Variants in SH2D3A observed in about 807,000 individuals in gnomAD.
The protein encoded by SH2D3A is SH2 domain-containing protein 3A.
A neutral mutation model predicts 50.6 loss-of-function variants in SH2D3A; 46 were observed. The ratio of observed to expected loss-of-function variants is 0.91; its 90% CI spans 0.72 to 1.16. SH2D3A has a LOEUF of 1.16. SH2D3A is among the 50% of genes most tolerant of loss of function. SH2D3A has a pLI of 0.00. For missense variants in SH2D3A, 783 were observed against 786.2 expected, an observed-to-expected ratio of 1.00 and a Z score of 0.05; for synonymous variants, 377 against 348.4, an observed-to-expected ratio of 1.08 and a Z score of -0.91.
rs560531864 is a variant in SH2D3A, at chr19:6,752,898, G to A, written c.1571-145C>T. 1,106 of 1,408,422 alleles carry A rather than the reference G, an allele frequency of 7.9e-4. 9 individuals carry two copies. The African/African-American group carries it at 0.015, about 19-fold the overall frequency. The allele number at this position is 1,408,422 out of a possible 1,614,324, so 87.2% of individuals were successfully genotyped here. ...TGCCCCACCTGCGGGATGACTAGGCGGGGTCAGAGGGGAGGGGGCTTCCAG... is the reference window on the plus strand; with the variant it reads ...TGCCCCACCTGCGGGATGACTAGGCAGGGTCAGAGGGGAGGGGGCTTCCAG... On this transcript the variant is annotated intron_variant, in intron 9 of 9. Transcript: ENST00000245908.
chr19:6,754,900 G>T lies in SH2D3A; in HGVS notation c.912C>A (p.Thr304=). The T allele has an allele frequency of 6.2e-7, 1 of 1,607,612 alleles. No homozygotes were observed. Among genetic ancestry groups the T allele is most frequent in the Admixed American group, 1.7e-5 (1 of 59,800 alleles). The part of the protein sequence containing the change: ...NRPLEPQVLH[T]LRGLFLEHHP... ...GGTGCTCCAGGAACAGGCCACGGAG[G>T]GTATGCAGGACTTGGGGTTCCAGGG... is the stretch of plus-strand genomic sequence containing the variant. The change falls in exon 5 of 10, where the codon ACC becomes ACA. Residue 304 remains threonine, a synonymous_variant. Transcript: ENST00000245908.
At chr19:6,762,502 CTTTT>C (rs35272482) in intron 2 of SH2D3A, among the ~76,000 whole-genome samples, 13 of 98,832 alleles carry the variant, frequency 1.3e-4, no homozygotes, top group African/African-American at 5.2e-4. Context: ...TTCTTCCGGC[CTTTT>C]TTTTTTTTTT....
At chr19:6,759,496 T>C in intron 4 of SH2D3A, 98 bp downstream of exon 4, 1 of 996,902 alleles carries the variant, frequency 1.0e-6, no homozygotes, top group Admixed American at 2.1e-5. Context: ...AAGCAAGAAA[T>C]TGAGGCTCGA....
chr19:6,753,382 C>A, intron 9 of SH2D3A, 74 bp downstream of exon 9: 15 of 1,406,738 alleles, frequency 1.1e-5, no homozygotes, highest in Non-Finnish European at 1.4e-5. Context: ...CTGGGACAGG[C>A]TGGGTTTGGG....
chr19:6,754,334 C>T lies in SH2D3A; in HGVS notation c.1189G>A (p.Glu397Lys). ...ERAAALRGLVELALALRPGAA... is the reference protein window; with the variant it reads ...ERAAALRGLVKLALALRPGAA... ...CCTGGCCGCAGCGCCAGCGCCAGCTCTACCAGTCCCCTCAGTGCGGCTGCG... is the reference window on the plus strand; with the variant it reads ...CCTGGCCGCAGCGCCAGCGCCAGCTTTACCAGTCCCCTCAGTGCGGCTGCG... Residue 397 changes from glutamate (E) to lysine (K), a missense_variant, in exon 7 of 10, where the codon GAG (glutamate) becomes AAG (lysine). Physicochemically the swap from Glu to Lys is moderately conservative, Grantham distance 56 (BLOSUM62 1). Coordinates refer to ENST00000245908, the MANE Select transcript of SH2D3A (RefSeq NM_005490.3). 1 of 1,575,508 alleles carries T rather than the reference C, an allele frequency of 6.3e-7. No individual in the cohort carries two copies. The highest frequency in any genetic ancestry group is 8.6e-7 in the Non-Finnish European group (1 of 1,167,220).
At chr19:6,765,663 G>T (rs1448424928) in intron 1 of SH2D3A, among the ~76,000 whole-genome samples, 1 of 148,156 alleles carries the variant, frequency 6.7e-6, no homozygotes, top group Non-Finnish European at 1.5e-5. Flanking sequence ...AGAGAGAATC[G>T]CTTGAATCCA....
chr19:6,754,979 A>T lies in SH2D3A; in HGVS notation c.833T>A (p.Ile278Asn). Residue 278 changes from isoleucine to asparagine, a missense_variant, in exon 5 of 10, where the codon ATC becomes AAC. Physicochemically the swap from Ile to Asn is moderately radical, Grantham distance 149. Transcript: ENST00000245908. ...NRCFTRPQAE[I>N]SFCPHDAPSC... The stretch of plus-strand genomic sequence containing the variant: ...GGGGGCATCATGGGGGCAGAAAGAG[A>T]TCTCAGCCTGTGGTCTTGTAAAACA... The T allele has an allele frequency of 6.2e-7, 1 of 1,613,802 alleles. No homozygotes were observed. Among genetic ancestry groups the T allele is most frequent in the South Asian group, 1.1e-5 (1 of 91,056 alleles).
intron 1 of SH2D3A, among the ~76,000 whole-genome samples, chr19:6,766,428 C>T (rs1970306855): frequency 6.6e-6 from 1 of 152,148 alleles, no homozygotes; most frequent in Non-Finnish European, 1.5e-5. Flanking sequence ...AGAGAAGAAA[C>T]GGGCAGAATC....
In SH2D3A at chr19:6,754,669, C is replaced by G. The variant is rs1487590536; in HGVS notation, c.1044G>C (p.Leu348=). ...GTCCATGGGGAAGAGTGAGCAGCTC[C>G]AGGCCAGATGAGACTCCCATGTTGC... The part of the protein sequence containing the change: ...QRGNMGVSSG[L]ELLTLPHGHH... Residue 348 remains leucine, a synonymous_variant, in exon 6 of 10, where the codon CTG becomes CTC. Transcript: ENST00000245908. 1.9e-6 allele frequency: 3 copies of G among 1,614,208 alleles called. No individual in the cohort carries two copies. The South Asian group carries it at 3.3e-5, about 18-fold the overall frequency.
intron 9 of SH2D3A, 110 bp downstream of exon 9, chr19:6,753,346 G>C (rs1969435169): frequency 5.0e-6 from 7 of 1,398,258 alleles, no homozygotes; most frequent in Non-Finnish European, 6.5e-6. Flanking sequence ...GTGGGGCTCC[G>C]GGAGGCGTGG....
intron 9 of SH2D3A, chr19:6,753,225 G>A (rs1317377711): frequency 1.0e-6 from 1 of 985,258 alleles, no homozygotes; most frequent in Admixed American, 6.1e-5. Flanking sequence ...AGGTGGCTCT[G>A]GGGGCAGGAC....
At chr19:6,754,510 C>T in intron 6 of SH2D3A, 85 bp from the exon 7 acceptor site, 2 of 1,564,438 alleles carry the variant, frequency 1.3e-6, no homozygotes, top group South Asian at 2.4e-5. Flanking sequence ...GGCATTGCCC[C>T]ATCTCCCTTC....
rs759411762 is a variant in SH2D3A at position 6,761,965 on chromosome 19, CAAAAAAAAA to C, written c.70-987_70-979del. Among the ~76,000 whole-genome samples, 9 of 101,612 alleles carry C rather than the reference CAAAAAAAAA, an allele frequency of 8.9e-5. No individual in the cohort carries two copies. In the East Asian group the frequency reaches 2.4e-3, roughly 28 times the overall value. 66.7% of individuals were successfully genotyped at this position (101,612 alleles called of 152,430 possible). A position where few individuals can be genotyped will look rare whatever the true frequency, so the allele number is the denominator to read the frequency against. ...TCATGTCTCAAAAACAAAAAAAAAA[CAAAAAAAAA>C]AACAAAAAAAAGGCTTGGGGAGGCA... On this transcript the variant is annotated intron_variant, in intron 2 of 9. Transcript: ENST00000245908.
intron 1 of SH2D3A, chr19:6,764,478 A>T (rs141110524): frequency 1.2e-4 from 18 of 152,292 alleles, no homozygotes; most frequent in African/African-American, 4.3e-4. Context: ...TAATTAATGA[A>T]TTCACTGAAC....
chr19:6,759,504 C>T (rs1051351864), intron 4 of SH2D3A, 90 bp downstream of exon 4: 31 of 1,119,476 alleles, frequency 2.8e-5, no homozygotes, highest in Non-Finnish European at 3.4e-5. Flanking sequence ...AATTGAGGCT[C>T]GAAGAGGTGC....
intron 2 of SH2D3A, among the ~76,000 whole-genome samples, chr19:6,761,645 G>T (rs1970025791): frequency 6.6e-6 from 1 of 152,064 alleles, no homozygotes; most frequent in Admixed American, 6.6e-5. Context: ...GTGGTGGCTG[G>T]TGTCAAAATA....
chr19:6,764,640 T>C (rs1192047154), intron 1 of SH2D3A, among the ~76,000 whole-genome samples: 1 of 152,088 alleles, frequency 6.6e-6, no homozygotes, highest in Non-Finnish European at 1.5e-5. Flanking sequence ...ATGGCATACA[T>C]GAGTGAGTGC....
chr19:6,755,476 C>T (rs911682799), intron 4 of SH2D3A, among the ~76,000 whole-genome samples, 161 bp from the exon 5 acceptor site: 8 of 152,018 alleles, frequency 5.3e-5, no homozygotes, highest in Non-Finnish European at 7.4e-5. Flanking sequence ...TCAACCACCT[C>T]GACGGTAGAA....
chr19:6,755,043 A>G lies in SH2D3A; in HGVS notation c.769T>C (p.Trp257Arg), dbSNP rs1260427837. ...TCCTCATCCTCCTCGGCCTCCCACC[A>G]TGGGGCCTCTGGCTCTGGGCAGCTT... ...SQSCPEPEAP[W>R]WEAEEDEEEE... Residue 257 changes from tryptophan to arginine, a missense_variant, in exon 5 of 10, where the codon TGG becomes CGG. By Grantham distance (101) the Trp-to-Arg change is moderately radical. Coordinates refer to ENST00000245908, the MANE Select transcript of SH2D3A (RefSeq NM_005490.3). 6.2e-7 allele frequency: 1 copy of G among 1,613,646 alleles called. No homozygotes were observed. The highest frequency in any genetic ancestry group is 8.5e-7 in the Non-Finnish European group (1 of 1,179,886).
Sources: allele counts gnomAD v4.1 joint callset (sites outside exome capture counted in the v4.1 genomes callset), GRCh38; gene constraint gnomAD v4.1.1; transcripts MANE v1.5; gene names NCBI Gene and HGNC (gene_info 2026-07-23, HGNC 2026-07-21).